The following EDIL3 variants were observed in gnomAD, a reference collection of about 807,000 sequenced individuals.
EDIL3 encodes EGF-like repeat and discoidin I-like domain-containing protein 3.
Under a neutral mutation model 67.4 loss-of-function variants are expected in EDIL3, and 37 were observed. That is an observed-to-expected ratio of 0.55 (90% CI 0.42 to 0.72). The LOEUF is 0.72. Ranked by LOEUF, EDIL3 falls within the 30% of genes least tolerant of loss-of-function variation. The pLI is 0.00. For synonymous variants in EDIL3, 195 were observed against 196.3 expected (o/e 0.99, Z 0.05); for missense variants, 527 against 586.3 (o/e 0.90, Z 1.04).
At chr5:84,362,469 T>C (rs568952870) in intron 1 of EDIL3, among the ~76,000 whole-genome samples, 1 of 152,324 alleles carries the variant, frequency 6.6e-6, no homozygotes, top group Admixed American at 6.5e-5. Flanking sequence ...ACTGATGGTT[T>C]ACATTCCTAA....
At chr5:84,124,215 A>C (rs1235230069) in intron 5 of EDIL3, among the ~76,000 whole-genome samples, 1 of 151,936 alleles carries the variant, frequency 6.6e-6, no homozygotes, top group African/African-American at 2.4e-5. Context: ...CAAATTTTAG[A>C]TCGGAAAAGG....
chr5:84,234,527 G>A (rs1744642783), intron 2 of EDIL3, among the ~76,000 whole-genome samples: 1 of 152,102 alleles, frequency 6.6e-6, no homozygotes, highest in Non-Finnish European at 1.5e-5. Flanking sequence ...GTCTCTTTGT[G>A]TGGTTTCAAC....
At chr5:83,961,651 C>T (rs1212452972) in intron 10 of EDIL3, among the ~76,000 whole-genome samples, 1 of 150,854 alleles carries the variant, frequency 6.6e-6, no homozygotes, top group Non-Finnish European at 1.5e-5. Flanking sequence ...TAATTTCAAG[C>T]CTGTATAACT....
At chr5:84,374,183 C>T (rs1412038315) in intron 1 of EDIL3, among the ~76,000 whole-genome samples, 1 of 151,326 alleles carries the variant, frequency 6.6e-6, no homozygotes, top group Non-Finnish European at 1.5e-5. Context: ...CCAACCTCTC[C>T]TTTTTATCTC....
rs544080202 is a variant in EDIL3 at position 84,310,795 on chromosome 5, A to T, written c.68-56583T>A. On this transcript the variant is annotated intron_variant, in intron 1 of 10. Coordinates refer to ENST00000296591, the MANE Select transcript of EDIL3 (RefSeq NM_005711.5). ...GTCACGCGTATGGAGCTCCATGTGT[A>T]CATATCTATGTACCCCTAGAGCCTC... Among the ~76,000 whole-genome samples, 10 of 152,274 alleles carry T rather than the reference A, an allele frequency of 6.6e-5. No homozygotes were observed. In the East Asian group the frequency reaches 1.9e-3, roughly 29 times the overall value.
intron 4 of EDIL3, among the ~76,000 whole-genome samples, chr5:84,165,070 A>C (rs1748680582): frequency 6.6e-6 from 1 of 152,090 alleles, no homozygotes; most frequent in Non-Finnish European, 1.5e-5. Context: ...GGGAATATGA[A>C]AATAAATTAA....
chr5:84,332,493 T>C (rs1746893805), intron 1 of EDIL3, among the ~76,000 whole-genome samples: 2 of 152,204 alleles, frequency 1.3e-5, no homozygotes, highest in South Asian at 4.1e-4. Context: ...TTGTTTTCAG[T>C]GCAAGATTTC....
chr5:84,082,709 T>C (rs1477971747), intron 6 of EDIL3, among the ~76,000 whole-genome samples: 2 of 152,142 alleles, frequency 1.3e-5, no homozygotes, highest in Non-Finnish European at 2.9e-5. Flanking sequence ...TTCTGAGAAA[T>C]AACAAAAGGG....
At chr5:84,025,777 G>A (rs1236758686) in intron 9 of EDIL3, among the ~76,000 whole-genome samples, 1 of 152,142 alleles carries the variant, frequency 6.6e-6, no homozygotes, top group East Asian at 1.9e-4. Flanking sequence ...CATCATGATT[G>A]TATGTAATAT....
chr5:84,383,285 C>A (rs1426429930), intron 1 of EDIL3, among the ~76,000 whole-genome samples: 10 of 152,062 alleles, frequency 6.6e-5, no homozygotes, highest in Non-Finnish European at 2.9e-5. Context: ...CACCCTGCTG[C>A]CCCCGCTGCC....
intron 3 of EDIL3, among the ~76,000 whole-genome samples, chr5:84,220,327 A>G (rs1236951355): frequency 6.6e-6 from 1 of 152,174 alleles, no homozygotes; most frequent in African/African-American, 2.4e-5. Flanking sequence ...AAACTTGAAA[A>G]TATGTTTATA....
intron 9 of EDIL3, among the ~76,000 whole-genome samples, chr5:84,029,039 C>T (rs1392740336): frequency 7.9e-5 from 12 of 152,146 alleles, no homozygotes; most frequent in Non-Finnish European, 1.0e-4. Context: ...AGGTGGATCA[C>T]GAGGTCAGGA....
chr5:84,193,592 C>A (rs1198814443), intron 3 of EDIL3, among the ~76,000 whole-genome samples: 2 of 151,664 alleles, frequency 1.3e-5, no homozygotes, highest in African/African-American at 2.4e-5. Context: ...TTAGAGGTAA[C>A]ATAAGGAAAA....
intron 1 of EDIL3, among the ~76,000 whole-genome samples, chr5:84,351,949 A>C (rs537774274): frequency 1.3e-5 from 2 of 152,276 alleles, no homozygotes; most frequent in African/African-American, 4.8e-5. Context: ...AACAAGAAAA[A>C]GAAAACCCAT....
chr5:84,210,320 T>C lies in EDIL3; in HGVS notation c.226+19535A>G, dbSNP rs375854295. 3.9e-5 allele frequency among the ~76,000 whole-genome samples: 6 copies of C among 152,190 alleles called. No individual in the cohort carries two copies. In the East Asian group the frequency reaches 7.7e-4, roughly 20 times the overall value. On this transcript the variant is annotated intron_variant, in intron 3 of 10. Coordinates refer to ENST00000296591, the MANE Select transcript of EDIL3 (RefSeq NM_005711.5). Reference sequence around the variant, plus strand: ...TACGTTTTGCAATGATGTGTTACTCTAACTAAACTGACTGGATAAAATATG... The same window carrying C: ...TACGTTTTGCAATGATGTGTTACTCCAACTAAACTGACTGGATAAAATATG...
chr5:84,366,076 T>C (rs760041843), intron 1 of EDIL3, among the ~76,000 whole-genome samples: 4 of 152,164 alleles, frequency 2.6e-5, no homozygotes, highest in Non-Finnish European at 4.4e-5. Context: ...CAGAAAGTTA[T>C]AGCTCAAAGA....
At chr5:84,364,446 T>C (rs1216258971) in intron 1 of EDIL3, among the ~76,000 whole-genome samples, 5 of 152,122 alleles carry the variant, frequency 3.3e-5, no homozygotes, top group African/African-American at 7.2e-5. Context: ...TATACCTACA[T>C]GAGATTGTGT....
chr5:84,027,782 A>T (rs1169702666), intron 9 of EDIL3, among the ~76,000 whole-genome samples: 1 of 152,104 alleles, frequency 6.6e-6, no homozygotes, highest in Non-Finnish European at 1.5e-5. Flanking sequence ...GATATTGCAG[A>T]GGCAATATGA....
At chr5:84,089,908 C>A (rs546427872) in intron 6 of EDIL3, among the ~76,000 whole-genome samples, 57 of 152,236 alleles carry the variant, frequency 3.7e-4, no homozygotes, top group African/African-American at 1.3e-3. Flanking sequence ...GCTAAACCAT[C>A]TTTAATAATT....
Sources: allele counts gnomAD v4.1 joint callset (sites outside exome capture counted in the v4.1 genomes callset), GRCh38; gene constraint gnomAD v4.1.1; transcripts MANE v1.5; gene names NCBI Gene and HGNC (gene_info 2026-07-23, HGNC 2026-07-21).